Variants in SEMA6A observed in about 807,000 individuals in gnomAD.
SEMA6A encodes semaphorin-6A.
A neutral mutation model predicts 96.8 loss-of-function variants in SEMA6A; 25 were observed. The ratio of observed to expected loss-of-function variants is 0.26; its 90% CI spans 0.19 to 0.36. The LOEUF (loss-of-function observed/expected upper bound fraction) is 0.36. Among genes scored for constraint, SEMA6A ranks in the 10% least tolerant of loss-of-function variants. The probability of loss-of-function intolerance (pLI) is 1.00; values close to 1 mark genes in which losing one functional copy is unlikely to be tolerated. For missense variants in SEMA6A, 1,363 were observed against 1,323.1 expected, an observed-to-expected ratio of 1.03 and a Z score of -0.47; for synonymous variants, 612 against 518.0, an observed-to-expected ratio of 1.18 and a Z score of -2.46.
At chr5:116,573,513 G>A (rs564248932) in intron 1 of SEMA6A, among the ~76,000 whole-genome samples, 228 of 152,244 alleles carry the variant, frequency 1.5e-3, no homozygotes, top group Middle Eastern at 3.4e-3. Flanking sequence ...ACTTATTCGA[G>A]CAAACAAAGC....
At chr5:116,472,697 C>T in intron 17 of SEMA6A, 1 of 501,984 alleles carries the variant, frequency 2.0e-6, no homozygotes, top group Non-Finnish European at 3.4e-6. Context: ...CTCAGTCTCC[C>T]ACATCAATTG....
At chr5:116,504,740 A>T in intron 2 of SEMA6A, 105 bp downstream of exon 2, 2 of 867,060 alleles carry the variant, frequency 2.3e-6, no homozygotes, top group Non-Finnish European at 3.7e-6. Context: ...CAGAGGACTA[A>T]TAAGTCACCT....
At chr5:116,481,966 C>T (rs1440865166) in intron 11 of SEMA6A, among the ~76,000 whole-genome samples, 2 of 152,152 alleles carry the variant, frequency 1.3e-5, no homozygotes, top group African/African-American at 2.4e-5. Flanking sequence ...ATTCTTCTCA[C>T]CCTCGGTCTA....
chr5:116,541,313 G>T (rs767740038), intron 1 of SEMA6A, among the ~76,000 whole-genome samples: 2 of 152,000 alleles, frequency 1.3e-5, no homozygotes, highest in Non-Finnish European at 2.9e-5. Flanking sequence ...AAACCCTAGA[G>T]GTAAGAGGGG....
At chr5:116,515,090 G>A (rs1290220486) in intron 1 of SEMA6A, among the ~76,000 whole-genome samples, 1 of 152,180 alleles carries the variant, frequency 6.6e-6, no homozygotes, top group African/African-American at 2.4e-5. Flanking sequence ...ACTGTGGAGG[G>A]GGCAGGTGGG....
chr5:116,449,407 C>G (rs1580437024), intron 18 of SEMA6A: 2 of 700,998 alleles, frequency 2.9e-6, no homozygotes, highest in Admixed American at 4.0e-5. Flanking sequence ...GTATCAGTGG[C>G]ACAGAATTAG....
intron 17 of SEMA6A, chr5:116,472,158 C>T (rs1245766666): frequency 2.0e-5 from 3 of 152,092 alleles, no homozygotes; most frequent in African/African-American, 7.2e-5. Context: ...TTGGGGGTAC[C>T]TTGAGAAATG....
chr5:116,525,868 A>C (rs1198190878), intron 1 of SEMA6A, among the ~76,000 whole-genome samples: 1 of 152,186 alleles, frequency 6.6e-6, no homozygotes, highest in African/African-American at 2.4e-5. Context: ...CAAATTAAGC[A>C]TTTATTGTCT....
chr5:116,466,012 G>A (rs1359497193), intron 18 of SEMA6A, among the ~76,000 whole-genome samples: 3 of 144,096 alleles, frequency 2.1e-5, no homozygotes, highest in African/African-American at 7.8e-5. Context: ...GATGGAAAGA[G>A]CAGGGAATCC....
Position 116,488,111 on chromosome 5 carries a change from T to A in SEMA6A, c.741A>T (p.Gly247=). 1 of 1,599,836 alleles carries A rather than the reference T, an allele frequency of 6.3e-7. No homozygotes were observed. Among genetic ancestry groups the A allele is most frequent in the Non-Finnish European group, 8.6e-7 (1 of 1,168,220 alleles). Residue 247 remains glycine (G), a synonymous_variant, in exon 9 of 19, where the codon GGA becomes GGT. Coordinates refer to ENST00000343348, the MANE Select transcript of SEMA6A (RefSeq NM_020796.5). ...REIAVEYNTM[G]KVVFPRVAQV... is the part of the protein sequence containing the mutation. ...CAAGGACAGCATCCCCTCTTACCTT[T>A]CCCATGGTGTTATACTCCACTGCTA... is the stretch of plus-strand genomic sequence containing the variant.
intron 1 of SEMA6A, among the ~76,000 whole-genome samples, chr5:116,520,072 A>T (rs796773384): frequency 5.3e-5 from 8 of 152,222 alleles, no homozygotes; most frequent in African/African-American, 1.9e-4. Context: ...CAACTGGTTG[A>T]CCCCATCATG....
At chr5:116,483,955 TC>T (rs1271354703) in intron 10 of SEMA6A, among the ~76,000 whole-genome samples, 3 of 151,518 alleles carry the variant, frequency 2.0e-5, no homozygotes, top group Non-Finnish European at 4.4e-5. Flanking sequence ...TCCCAGCTAC[TC>T]CGGAGGCTGA....
At chr5:116,470,839 CT>C (rs1197181567) in intron 17 of SEMA6A, among the ~76,000 whole-genome samples, 1 of 152,162 alleles carries the variant, frequency 6.6e-6, no homozygotes, top group African/African-American at 2.4e-5. Flanking sequence ...TGTGCATGCA[CT>C]TTTTACTTTG....
At chr5:116,530,177 G>C (rs1759401936) in intron 1 of SEMA6A, among the ~76,000 whole-genome samples, 1 of 152,092 alleles carries the variant, frequency 6.6e-6, no homozygotes, top group South Asian at 2.1e-4. Flanking sequence ...TGTTGTAAAT[G>C]TTAAATATCT....
chr5:116,498,439 ATC>A (rs1268136866), intron 3 of SEMA6A: 1 of 152,126 alleles, frequency 6.6e-6, no homozygotes, highest in Non-Finnish European at 1.5e-5. Flanking sequence ...TTCATGGGAA[ATC>A]TGTTTGCTTT....
chr5:116,480,069 G>A (rs183834232), intron 12 of SEMA6A, 53 bp downstream of exon 12: 464 of 1,593,302 alleles, frequency 2.9e-4, no homozygotes, highest in Admixed American at 7.7e-4. Context: ...TTGGTTCTCC[G>A]ACATGAGATG....
At chr5:116,463,080 A>T (rs531456453) in intron 18 of SEMA6A, among the ~76,000 whole-genome samples, 162 of 152,336 alleles carry the variant, frequency 1.1e-3, no homozygotes, top group Non-Finnish European at 1.9e-3. Flanking sequence ...TTCCAGCTAG[A>T]TCCAGTTGGA....
intron 1 of SEMA6A, among the ~76,000 whole-genome samples, chr5:116,570,385 C>G (rs1309064503): frequency 1.3e-5 from 2 of 152,128 alleles, no homozygotes; most frequent in African/African-American, 2.4e-5. Context: ...CAGAACGCCT[C>G]AAGGCATCAC....
chr5:116,495,744 T>C, intron 5 of SEMA6A: 1 of 459,976 alleles, frequency 2.2e-6, no homozygotes, highest in East Asian at 4.0e-5. Flanking sequence ...TGTGTGTTTA[T>C]TTTATGTCAC....
Sources: allele counts gnomAD v4.1 joint callset (sites outside exome capture counted in the v4.1 genomes callset), GRCh38; gene constraint gnomAD v4.1.1; transcripts MANE v1.5; gene names NCBI Gene and HGNC (gene_info 2026-07-23, HGNC 2026-07-21).